Variants in EXO1 observed in about 807,000 individuals in gnomAD.
EXO1 encodes the protein exonuclease 1.
A neutral mutation model predicts 84.5 loss-of-function variants in EXO1; 69 were observed. The observed-to-expected ratio is 0.82, with a 90% CI of 0.67 to 1.00. The LOEUF (loss-of-function observed/expected upper bound fraction) is 1.00. Ranked by LOEUF, EXO1 falls within the 50% of genes least tolerant of loss-of-function variation. The pLI is 0.00. For missense variants in EXO1, 1,045 were observed against 1,000.7 expected (o/e 1.04, Z -0.60); for synonymous variants, 373 against 366.1 (o/e 1.02, Z -0.21).
At chr1:241,884,979 G>A (rs965315696) in intron 14 of EXO1, among the ~76,000 whole-genome samples, 11 of 152,050 alleles carry the variant, frequency 7.2e-5, no homozygotes, top group East Asian at 5.8e-4. Flanking sequence ...AGGCTGAGGC[G>A]AGCAGATCAC....
intron 4 of EXO1, 98 bp from the exon 5 acceptor site, chr1:241,852,194 A>G: frequency 9.4e-7 from 1 of 1,066,468 alleles, no homozygotes. Flanking sequence ...AAAATAAAAA[A>G]CCTTCTCTTT....
At chr1:241,880,731 T>C (rs939164375) in intron 13 of EXO1, among the ~76,000 whole-genome samples, 2 of 152,206 alleles carry the variant, frequency 1.3e-5, no homozygotes, top group African/African-American at 4.8e-5. Flanking sequence ...CTGTGAAACA[T>C]TGGGGCATCA....
intron 10 of EXO1, among the ~76,000 whole-genome samples, chr1:241,865,312 A>G (rs2148450958): frequency 6.6e-6 from 1 of 151,434 alleles, no homozygotes; most frequent in South Asian, 2.1e-4. Flanking sequence ...CCGAGTTTCA[A>G]GTGGTTCTCC....
Position 241,879,053 on chromosome 1 carries a change from AGTT to A in EXO1, c.1823_1825del (p.Cys608del). ...ACCACCCACTTTGGGAACACTAAGA[AGTT>A]GTTTTAGTTGGTCTGGAGGTCTTGG... is the stretch of plus-strand genomic sequence containing the variant. On this transcript the variant is annotated inframe_deletion, in exon 13 of 16. Transcript: ENST00000366548. 4.3e-6 allele frequency: 7 copies of A among 1,614,196 alleles called. No individual in the cohort carries two copies. Among genetic ancestry groups the A allele is most frequent in the South Asian group, 1.1e-5 (1 of 91,086 alleles).
In EXO1 at chr1:241,888,205, A is replaced by G. The variant is rs4150015; in HGVS notation, c.2406-1260A>G. Among the ~76,000 whole-genome samples, 690 of 152,242 alleles carry G rather than the reference A, an allele frequency of 4.5e-3. 10 individuals are homozygous for G. The highest frequency in any genetic ancestry group is 0.027 in the Admixed American group (406 of 15,280). ...CAGTGAACTGAGATTGCGGCACTGC[A>G]CTCCAGCCAGAGTGCAACAGAACGA... On this transcript the variant is annotated intron_variant, in intron 15 of 15. Coordinates refer to ENST00000366548, the MANE Select transcript of EXO1 (RefSeq NM_130398.4).
At chr1:241,861,340 A>C in intron 9 of EXO1, 66 bp from the exon 10 acceptor site, 1 of 845,370 alleles carries the variant, frequency 1.2e-6, no homozygotes, top group East Asian at 2.4e-5. Flanking sequence ...ACATTTTTCC[A>C]TCTTAGTATA....
intron 12 of EXO1, among the ~76,000 whole-genome samples, chr1:241,874,728 A>G (rs1662292881): frequency 6.6e-6 from 1 of 152,258 alleles, no homozygotes; most frequent in East Asian, 1.9e-4. Context: ...TGGGACTAAC[A>G]ATTATAACAG....
At chr1:241,855,367 T>C (rs868562470) in intron 6 of EXO1, among the ~76,000 whole-genome samples, 37 of 152,250 alleles carry the variant, frequency 2.4e-4, no homozygotes, top group African/African-American at 1.2e-4. Context: ...TATTGGTGCA[T>C]TCACAAACCC....
intron 14 of EXO1, among the ~76,000 whole-genome samples, chr1:241,883,863 T>C (rs1662903199): frequency 6.6e-6 from 1 of 152,184 alleles, no homozygotes; most frequent in Admixed American, 6.5e-5. Context: ...ACTGGAGATG[T>C]AGAAAGTACT....
chr1:241,852,410 G>C lies in EXO1; in HGVS notation c.280G>C (p.Glu94Gln), dbSNP rs192680726. 1.9e-6 allele frequency: 3 copies of C among 1,597,536 alleles called. No homozygotes were observed. Among genetic ancestry groups the C allele is most frequent in the East Asian group, 2.2e-5 (1 of 44,762 alleles). ...SKKEVERSRR[E>Q]RRQANLLKGK... is the part of the protein sequence containing the mutation. The stretch of plus-strand genomic sequence containing the variant: ...AAAGGAAGTAGAGAGATCTAGAAGA[G>C]AGTAAGTTAATTCTCTACTTAATCT... The change falls in exon 5 of 16, where the codon GAA becomes CAA. Residue 94 changes from glutamate (E) to glutamine (Q), a missense_variant and splice_region_variant. Coordinates refer to ENST00000366548, the MANE Select transcript of EXO1 (RefSeq NM_130398.4).
intron 6 of EXO1, 140 bp from the exon 7 acceptor site, chr1:241,857,205 T>G (rs1263767117): frequency 1.3e-6 from 1 of 785,138 alleles, no homozygotes; most frequent in African/African-American, 1.7e-5. Flanking sequence ...GTAGAAAAAC[T>G]CTACTTCAAA....
intron 15 of EXO1, among the ~76,000 whole-genome samples, chr1:241,888,997 A>T (rs1326558394): frequency 6.6e-6 from 1 of 152,130 alleles, no homozygotes; most frequent in Non-Finnish European, 1.5e-5. Context: ...GCTTGAACCC[A>T]GGAGGTGGAG....
intron 14 of EXO1, among the ~76,000 whole-genome samples, chr1:241,885,003 C>G (rs4149996): frequency 0.18 from 28,045 of 151,866 alleles, 3,178 homozygotes; most frequent in Non-Finnish European, 0.25. Context: ...GTCAGGAGAT[C>G]GAGACCATCC....
At position 241,853,589 on chromosome 1, in the gene EXO1, A is replaced by T. The variant is rs1574132724; in HGVS notation, c.405+108A>T. 5 of 1,146,188 alleles carry T rather than the reference A, an allele frequency of 4.4e-6. No individual in the cohort carries two copies. In the East Asian group the frequency reaches 1.2e-4, roughly 27 times the overall value. The allele number at this position is 1,146,188 out of a possible 1,614,324, so 71.0% of individuals were successfully genotyped here. A position where few individuals can be genotyped will look rare whatever the true frequency, so the allele number is the denominator to read the frequency against. The stretch of plus-strand genomic sequence containing the variant: ...GGAAAATTGTTCTAGGCCTAACCTC[A>T]AGTAAAGGGCAGATGTCAGAAGGAG... On this transcript the variant is annotated intron_variant, in intron 6 of 15. Transcript: ENST00000366548.
intron 13 of EXO1, 41 bp downstream of exon 13, chr1:241,879,384 T>A: frequency 1.6e-6 from 2 of 1,254,666 alleles, no homozygotes; most frequent in Non-Finnish European, 2.3e-6. Context: ...AATTTATATG[T>A]AAGAAAAAAT....
intron 15 of EXO1, among the ~76,000 whole-genome samples, chr1:241,889,155 G>A (rs1009879545): frequency 6.6e-6 from 1 of 152,104 alleles, no homozygotes; most frequent in African/African-American, 2.4e-5. Context: ...AACCAGACTT[G>A]AGAAGGGCAC....
rs749055895 is a variant in EXO1, at chr1:241,852,412, G to C, written c.281+1G>C. ...AGGAAGTAGAGAGATCTAGAAGAGA[G>C]TAAGTTAATTCTCTACTTAATCTCT... On this transcript the variant is annotated splice_donor_variant, in intron 5 of 15. Transcript: ENST00000366548. LOFTEE classifies it high-confidence loss of function. 9 of 1,594,102 alleles carry C rather than the reference G, an allele frequency of 5.6e-6. No homozygotes were observed. Among genetic ancestry groups the C allele is most frequent in the Non-Finnish European group, 7.7e-6 (9 of 1,163,216 alleles).
intron 12 of EXO1, among the ~76,000 whole-genome samples, chr1:241,873,037 G>A (rs1469022095): frequency 2.0e-5 from 3 of 150,922 alleles, no homozygotes; most frequent in African/African-American, 7.3e-5. Context: ...ACTTTTTAAT[G>A]ATTGCCATTC....
rs759561050 is a variant in EXO1, at chr1:241,858,712, A to G, written c.750A>G (p.Ile250Met). ...KVLRLANNPD[I>M]VKVIKKIGHY... ...TAAGACTAGCCAATAATCCAGATAT[A>G]GTAAAGGTAAGAGTGATTTGCTAAG... Residue 250 changes from isoleucine to methionine, a missense_variant, in exon 8 of 16, where the codon ATA (isoleucine) becomes ATG (methionine). By Grantham distance (10) the Ile-to-Met change is conservative (BLOSUM62 1). Coordinates refer to ENST00000366548, the MANE Select transcript of EXO1 (RefSeq NM_130398.4). 8.1e-6 allele frequency: 13 copies of G among 1,603,746 alleles called. No homozygotes were observed. The highest frequency in any genetic ancestry group is 2.2e-5 in the East Asian group (1 of 44,826).
Sources: allele counts gnomAD v4.1 joint callset (sites outside exome capture counted in the v4.1 genomes callset), GRCh38; gene constraint gnomAD v4.1.1; transcripts MANE v1.5; gene names NCBI Gene and HGNC (gene_info 2026-07-23, HGNC 2026-07-21).